Variants in COBL observed in about 807,000 individuals in gnomAD.
COBL encodes protein cordon-bleu.
Under a neutral mutation model 98.8 loss-of-function variants are expected in COBL, and 51 were observed. The ratio of observed to expected loss-of-function variants is 0.52; its 90% CI spans 0.41 to 0.65. The LOEUF (loss-of-function observed/expected upper bound fraction) is 0.65, where lower values mean the gene tolerates loss of function less well. Among genes scored for constraint, COBL ranks in the 30% least tolerant of loss-of-function variants. The pLI is 0.00. For missense variants in COBL, 1,617 were observed against 1,617.5 expected (o/e 1.00, Z 0.01); for synonymous variants, 634 against 651.7 (o/e 0.97, Z 0.41).
chr7:51,258,532 C>CCT (rs1797401203), intron 1 of COBL, among the ~76,000 whole-genome samples: 1 of 152,188 alleles, frequency 6.6e-6, no homozygotes, highest in Non-Finnish European at 1.5e-5. Flanking sequence ...GAGGTGCTTG[C>CCT]CATGAACATA....
intron 7 of COBL, among the ~76,000 whole-genome samples, chr7:51,084,029 G>A (rs925305404): frequency 3.3e-5 from 5 of 152,164 alleles, no homozygotes; most frequent in Admixed American, 6.6e-5. Context: ...AGAAAACCAG[G>A]TTTATTTTAA....
intron 6 of COBL, among the ~76,000 whole-genome samples, chr7:51,111,259 T>C (rs574139497): frequency 6.6e-6 from 1 of 152,354 alleles, no homozygotes; most frequent in East Asian, 1.9e-4. Flanking sequence ...CTATTTTTCA[T>C]AATGGCTATA....
intron 1 of COBL, among the ~76,000 whole-genome samples, chr7:51,315,518 A>C (rs1803467915): frequency 6.6e-6 from 1 of 152,226 alleles, no homozygotes; most frequent in Non-Finnish European, 1.5e-5. Context: ...CTTCAAGTCC[A>C]GTTGCCATAG....
At chr7:51,304,562 A>G (rs1017387751) in intron 1 of COBL, among the ~76,000 whole-genome samples, 9 of 152,244 alleles carry the variant, frequency 5.9e-5, no homozygotes, top group African/African-American at 1.4e-4. Flanking sequence ...CATTTCTACC[A>G]TAAGAAAACA....
At chr7:51,081,251 T>C (rs1562884060) in intron 7 of COBL, among the ~76,000 whole-genome samples, 1 of 152,104 alleles carries the variant, frequency 6.6e-6, no homozygotes, top group Non-Finnish European at 1.5e-5. Context: ...TCCATTGCTG[T>C]GGGCATGAGA....
At chr7:51,115,931 T>C (rs940840045) in intron 6 of COBL, among the ~76,000 whole-genome samples, 10 of 152,110 alleles carry the variant, frequency 6.6e-5, no homozygotes, top group African/African-American at 1.9e-4. Flanking sequence ...GTATGAAATC[T>C]TCCTGATGTA....
Position 51,150,810 on chromosome 7 carries a change from T to C in COBL, c.784-14479A>G, listed in dbSNP as rs532417077. ...GTGTCTGCTTCTGGCCAAGAGGTAC[T>C]AGATCTTGGGGAGAGTGCTCTATTT... On this transcript the variant is annotated intron_variant, in intron 5 of 12. Coordinates refer to ENST00000265136, the MANE Select transcript of COBL (RefSeq NM_015198.5). Among the ~76,000 whole-genome samples, 3 of 152,290 alleles carry C rather than the reference T, an allele frequency of 2.0e-5. No homozygotes were observed. The South Asian group carries it at 6.2e-4, about 32-fold the overall frequency.
At chr7:51,280,270 G>A (rs1799700352) in intron 1 of COBL, among the ~76,000 whole-genome samples, 1 of 152,086 alleles carries the variant, frequency 6.6e-6, no homozygotes, top group Non-Finnish European at 1.5e-5. Flanking sequence ...TTCTAGTGCT[G>A]GGCTAAAGAG....
chr7:51,196,440 G>T (rs549269557), intron 2 of COBL, among the ~76,000 whole-genome samples: 1 of 152,290 alleles, frequency 6.6e-6, no homozygotes, highest in Non-Finnish European at 1.5e-5. Context: ...GTTCATCAAG[G>T]ATAGTGGCCT....
In COBL at chr7:51,053,171, TA is replaced by T. The variant is rs534649604; in HGVS notation, c.1097-9480del. On this transcript the variant is annotated intron_variant, in intron 7 of 12. Transcript: ENST00000265136. ...TATTTTTATTTCCAATCATTTAAAA[TA>T]AAAATTATTCCTTTTTCTAGACTTT... 4.2e-4 allele frequency among the ~76,000 whole-genome samples: 64 copies of T among 152,358 alleles called. No individual in the cohort carries two copies. In the East Asian group the frequency reaches 0.012, roughly 29 times the overall value.
chr7:51,107,126 A>C (rs1796377942), intron 6 of COBL, among the ~76,000 whole-genome samples: 1 of 123,220 alleles, frequency 8.1e-6, no homozygotes, highest in Non-Finnish European at 1.6e-5. Flanking sequence ...ACAGAATCTC[A>C]CTCTGTCACC....
Position 51,029,571 on chromosome 7 carries a change from T to C in COBL, c.1525A>G (p.Thr509Ala), listed in dbSNP as rs1329624620. The part of the protein sequence containing the change: ...DLEEMEDSYE[T>A]DTSSLTSSIH... ...GAGCTGGTGAGGGAGCTGGTGTCTGTTTCATAGCTGTCTTCCATTTCTGCA... is the reference window on the plus strand; with the variant it reads ...GAGCTGGTGAGGGAGCTGGTGTCTGCTTCATAGCTGTCTTCCATTTCTGCA... Residue 509 changes from threonine to alanine, a missense_variant, in exon 10 of 13, where the codon ACA (threonine) becomes GCA (alanine). Physicochemically the swap from Thr to Ala is moderately conservative, Grantham distance 58. Transcript: ENST00000265136. The C allele has an allele frequency of 1.0e-5, 16 of 1,595,650 alleles. No individual in the cohort carries two copies. Among genetic ancestry groups the C allele is most frequent in the Non-Finnish European group, 1.4e-5 (16 of 1,166,402 alleles).
At chr7:51,100,447 G>A (rs1195498078) in intron 6 of COBL, among the ~76,000 whole-genome samples, 1 of 152,202 alleles carries the variant, frequency 6.6e-6, no homozygotes, top group East Asian at 1.9e-4. Context: ...ACTACCATTT[G>A]TATCCTACTT....
chr7:51,257,320 T>C (rs1797281765), intron 1 of COBL, among the ~76,000 whole-genome samples: 1 of 152,288 alleles, frequency 6.6e-6, no homozygotes, highest in South Asian at 2.1e-4. Flanking sequence ...AAGACTCCAC[T>C]CAGTAGAAGT....
chr7:51,293,039 A>T (rs1250322837), intron 1 of COBL, among the ~76,000 whole-genome samples: 6 of 152,252 alleles, frequency 3.9e-5, no homozygotes, highest in African/African-American at 1.4e-4. Context: ...CACACACTAG[A>T]ATGGTGAAAA....
intron 7 of COBL, among the ~76,000 whole-genome samples, chr7:51,053,970 C>T (rs1281494360): frequency 6.6e-6 from 1 of 152,242 alleles, no homozygotes; most frequent in African/African-American, 2.4e-5. Flanking sequence ...GACTTGAGGT[C>T]AGGATTTCGA....
At chr7:51,299,789 G>A (rs1326438044) in intron 1 of COBL, among the ~76,000 whole-genome samples, 1 of 152,186 alleles carries the variant, frequency 6.6e-6, no homozygotes, top group Non-Finnish European at 1.5e-5. Flanking sequence ...CTAGGGGGAT[G>A]AGGAACATAA....
intron 7 of COBL, among the ~76,000 whole-genome samples, chr7:51,046,043 T>C (rs568400372): frequency 5.5e-5 from 8 of 146,460 alleles, no homozygotes; most frequent in East Asian, 2.0e-4. Context: ...ATTCATGCCA[T>C]TGGTGCAGAA....
chr7:51,102,501 G>A (rs1480193567), intron 6 of COBL, among the ~76,000 whole-genome samples: 1 of 152,144 alleles, frequency 6.6e-6, no homozygotes, highest in South Asian at 2.1e-4. Context: ...CTCTGGGAGT[G>A]GCACTTCATA....
Sources: gnomAD v4.1 joint callset for allele counts (sites outside exome capture counted in the v4.1 genomes callset) on GRCh38, gnomAD v4.1.1 for gene constraint, MANE v1.5 for transcripts, NCBI Gene and HGNC (gene_info 2026-07-23, HGNC 2026-07-21) for gene names.